The following PRLR variants were observed in gnomAD, a reference collection of about 807,000 sequenced individuals.
PRLR encodes the protein hPRL receptor.
A neutral mutation model predicts 40.2 loss-of-function variants in PRLR; 13 were observed. The observed-to-expected ratio is 0.32, with a 90% CI of 0.21 to 0.51. The LOEUF is 0.51. Ranked by LOEUF, PRLR falls within the 20% of genes least tolerant of loss-of-function variation. The pLI, the probability that PRLR is intolerant of heterozygous loss-of-function variation, is 0.97. For missense variants in PRLR, 656 were observed against 747.3 expected (o/e 0.88, Z 1.42); for synonymous variants, 269 against 278.7 (o/e 0.97, Z 0.35).
chr5:35,071,130 C>T (rs1387093751), intron 6 of PRLR, among the ~76,000 whole-genome samples: 1 of 152,128 alleles, frequency 6.6e-6, no homozygotes. Flanking sequence ...CATAATATCA[C>T]CTCTGAATTT....
At chr5:35,221,091 G>A (rs1237629425) in intron 1 of PRLR, among the ~76,000 whole-genome samples, 2 of 152,194 alleles carry the variant, frequency 1.3e-5, no homozygotes, top group Non-Finnish European at 2.9e-5. Context: ...GGGTCTGAGA[G>A]GGTGTTACAC....
At chr5:35,190,158 C>CTGTGGGT (rs1775562151) in intron 1 of PRLR, among the ~76,000 whole-genome samples, 3 of 152,306 alleles carry the variant, frequency 2.0e-5, no homozygotes, top group African/African-American at 7.2e-5. Context: ...TTTGTTATGG[C>CTGTGGGT]AGCCCCAGCA....
intron 1 of PRLR, among the ~76,000 whole-genome samples, chr5:35,224,096 T>C (rs1776490609): frequency 6.6e-6 from 1 of 152,178 alleles, no homozygotes; most frequent in East Asian, 1.9e-4. Flanking sequence ...TACCCCTTGT[T>C]CCGTTTAGGT....
At chr5:35,158,420 A>T (rs1774573067) in intron 1 of PRLR, among the ~76,000 whole-genome samples, 1 of 152,184 alleles carries the variant, frequency 6.6e-6, no homozygotes, top group South Asian at 2.1e-4. Context: ...TGATTTGCTT[A>T]CTGTTTATAA....
chr5:35,199,463 G>A lies in PRLR; in HGVS notation c.-106+30805C>T, dbSNP rs1393479993. ...AATTCTCACTCTCTCCTATGATTAT[G>A]ACAGAAATGTTTCCAAGGTGCCATT... is the stretch of plus-strand genomic sequence containing the variant. On this transcript the variant is annotated intron_variant, in intron 1 of 9. Transcript: ENST00000618457. Among the ~76,000 whole-genome samples, 4 of 152,082 alleles carry A rather than the reference G, an allele frequency of 2.6e-5. No individual in the cohort carries two copies. The East Asian group carries it at 7.7e-4, about 29-fold the overall frequency.
intron 1 of PRLR, among the ~76,000 whole-genome samples, chr5:35,175,939 A>G (rs1775135513): frequency 6.6e-6 from 1 of 152,192 alleles, no homozygotes; most frequent in Non-Finnish European, 1.5e-5. Flanking sequence ...AGGGACAGCT[A>G]TTGTTAACAT....
chr5:35,209,139 A>C (rs921162778), intron 1 of PRLR, among the ~76,000 whole-genome samples: 2 of 151,412 alleles, frequency 1.3e-5, no homozygotes, highest in African/African-American at 4.8e-5. Flanking sequence ...ACCATGTATC[A>C]GTGTTTTTTT....
intron 5 of PRLR, 75 bp from the exon 6 acceptor site, chr5:35,072,819 A>G (rs76778724): frequency 2.6e-6 from 4 of 1,531,164 alleles, no homozygotes; most frequent in Non-Finnish European, 3.5e-6. Flanking sequence ...TTCTATTAGG[A>G]ATTCCTTTTT....
chr5:35,221,400 T>A (rs1776415820), intron 1 of PRLR, among the ~76,000 whole-genome samples: 1 of 152,250 alleles, frequency 6.6e-6, no homozygotes, highest in South Asian at 2.1e-4. Context: ...GTGATGAGGC[T>A]ACTGAGTGTG....
intron 2 of PRLR, among the ~76,000 whole-genome samples, chr5:35,090,408 C>T (rs2112476709): frequency 6.6e-6 from 1 of 152,176 alleles, no homozygotes; most frequent in Non-Finnish European, 1.5e-5. Flanking sequence ...GAACAACGTT[C>T]AAAGCCTCTA....
intron 1 of PRLR, among the ~76,000 whole-genome samples, chr5:35,182,754 G>A (rs903834173): frequency 8.5e-5 from 13 of 152,208 alleles, no homozygotes; most frequent in Admixed American, 7.2e-4. Flanking sequence ...AAGAAGGGCA[G>A]AGGCAGGATT....
intron 5 of PRLR, among the ~76,000 whole-genome samples, chr5:35,077,957 G>A (rs1337086510): frequency 6.6e-6 from 1 of 152,154 alleles, no homozygotes; most frequent in Non-Finnish European, 1.5e-5. Context: ...AATCACTACT[G>A]GGTACATAAT....
intron 5 of PRLR, among the ~76,000 whole-genome samples, chr5:35,078,471 C>A (rs1361506218): frequency 6.6e-6 from 1 of 152,008 alleles, no homozygotes; most frequent in Non-Finnish European, 1.5e-5. Flanking sequence ...GGATAAATTC[C>A]TGGACGCGTA....
chr5:35,130,870 CT>C (rs2111774764), intron 1 of PRLR, among the ~76,000 whole-genome samples: 1 of 152,220 alleles, frequency 6.6e-6, no homozygotes, highest in South Asian at 2.1e-4. Flanking sequence ...GGGAGGACAC[CT>C]TGGAAAACAG....
intron 1 of PRLR, chr5:35,135,293 A>T (rs1436056865): frequency 6.6e-6 from 1 of 152,330 alleles, no homozygotes; most frequent in Non-Finnish European, 1.5e-5. Flanking sequence ...CAGATCTCTC[A>T]GACCTGCCTC....
chr5:35,197,110 A>T (rs1174175412), intron 1 of PRLR, among the ~76,000 whole-genome samples: 2 of 152,156 alleles, frequency 1.3e-5, no homozygotes, highest in Non-Finnish European at 2.9e-5. Context: ...CTTGGAAACC[A>T]CTTTCTCCTG....
intron 1 of PRLR, among the ~76,000 whole-genome samples, chr5:35,165,708 T>C (rs1236001420): frequency 1.3e-5 from 2 of 152,240 alleles, no homozygotes; most frequent in Non-Finnish European, 2.9e-5. Flanking sequence ...GGCTAATTCT[T>C]ATGGAAGAAT....
chr5:35,083,442 C>T (rs533954991), intron 5 of PRLR, among the ~76,000 whole-genome samples: 1 of 136,126 alleles, frequency 7.3e-6, no homozygotes, highest in African/African-American at 3.5e-5. Context: ...CTCTCTTCCT[C>T]TCTCTCTGTG....
rs1579539360 is a variant in PRLR at position 35,056,013 on chromosome 5, C to T, written c.*9076G>A. The T allele has an allele frequency of 2.0e-5, 3 of 152,304 alleles. No homozygotes were observed. The East Asian group carries it at 5.8e-4, about 29-fold the overall frequency. The allele number at this position is 152,304 out of a possible 1,614,324, so 9.4% of individuals were successfully genotyped here. ...TCCCTTTTCTTACACCAGTATTCAC[C>T]AATCAACATCCATGCGGTGTTTTAT... On this transcript the variant is annotated 3_prime_UTR_variant, in exon 10 of 10. Coordinates refer to ENST00000618457, the MANE Select transcript of PRLR (RefSeq NM_000949.7).
Sources: gnomAD v4.1 joint callset for allele counts (sites outside exome capture counted in the v4.1 genomes callset) on GRCh38, gnomAD v4.1.1 for gene constraint, MANE v1.5 for transcripts, NCBI Gene and HGNC (gene_info 2026-07-23, HGNC 2026-07-21) for gene names.